TRIM71: variants seen among roughly 807,000 people sequenced by gnomAD.
The protein encoded by TRIM71 is E3 ubiquitin-protein ligase TRIM71.
A neutral mutation model predicts 61.2 loss-of-function variants in TRIM71; 9 were observed. The ratio of observed to expected loss-of-function variants is 0.15; its 90% CI spans 0.09 to 0.26. TRIM71 has a LOEUF of 0.26. TRIM71 is among the 10% of genes least tolerant of loss of function. TRIM71 has a pLI of 1.00. For synonymous variants in TRIM71, 645 were observed against 553.2 expected (o/e 1.17, Z -2.33); for missense variants, 998 against 1,238.7 (o/e 0.81, Z 2.92).
At chr3:32,851,698 C>CT (rs1189022968) in intron 1 of TRIM71, among the ~76,000 whole-genome samples, 1 of 152,118 alleles carries the variant, frequency 6.6e-6, no homozygotes, top group African/African-American at 2.4e-5. Flanking sequence ...AGGCTGGTCT[C>CT]TAACTCCTAA....
chr3:32,827,327 G>A (rs1696214736), intron 1 of TRIM71, among the ~76,000 whole-genome samples: 1 of 143,002 alleles, frequency 7.0e-6, no homozygotes, highest in Admixed American at 7.0e-5. Context: ...GTAATGGTGT[G>A]ATCTCGGCTC....
intron 1 of TRIM71, among the ~76,000 whole-genome samples, chr3:32,851,906 G>C (rs1054079182): frequency 6.6e-6 from 1 of 152,210 alleles, no homozygotes; most frequent in African/African-American, 2.4e-5. Context: ...TTGCAAAAGA[G>C]AGAAAGGAAA....
chr3:32,851,489 G>GT (rs563273976), intron 1 of TRIM71, among the ~76,000 whole-genome samples: 59 of 151,798 alleles, frequency 3.9e-4, no homozygotes, highest in South Asian at 1.0e-3. Flanking sequence ...TTTTGTTTTT[G>GT]TTTTTTTTGA....
At chr3:32,887,850 G>A (rs62251958) in intron 3 of TRIM71, among the ~76,000 whole-genome samples, 10,878 of 152,126 alleles carry the variant, frequency 0.072, 488 homozygotes, top group Non-Finnish European at 0.1. Context: ...GGAATGAGTC[G>A]AAATCATATA....
At chr3:32,843,796 GTCGTGCTGCTT>G (rs1439555184) in intron 1 of TRIM71, among the ~76,000 whole-genome samples, 5 of 152,136 alleles carry the variant, frequency 3.3e-5, no homozygotes, top group African/African-American at 1.2e-4. Flanking sequence ...CTCCTTTCCT[GTCGTGCTGCTT>G]TCTGGGAAGG....
chr3:32,853,456 TTTA>T (rs1268037518), intron 1 of TRIM71, among the ~76,000 whole-genome samples: 1 of 152,152 alleles, frequency 6.6e-6, no homozygotes, highest in African/African-American at 2.4e-5. Context: ...CTGGAATCAA[TTTA>T]TTTAACCATT....
chr3:32,890,849 G>A lies in TRIM71; in HGVS notation c.1645G>A (p.Val549Met), dbSNP rs572598561. Reference protein sequence around the residue: ...EVSDQQNGTYVVSYRPQLEGE... With the variant: ...EVSDQQNGTYMVSYRPQLEGE... The stretch of plus-strand genomic sequence containing the variant: ...GAGTGATCAGCAGAATGGGACATAC[G>A]TGGTGAGTTACCGACCCCAGCTGGA... The change falls in exon 4 of 4, where the codon GTG (valine) becomes ATG (methionine). Residue 549 changes from valine to methionine, a missense_variant. Val to Met is a conservative substitution (Grantham distance 21). This residue lies in a region of TRIM71 where 291 missense variants were observed against 431.2 expected (regional missense o/e 0.67). Transcript: ENST00000383763. This position sits in a 1 kb window ranked among gnomAD's most constrained non-coding sequence, Gnocchi z 6.2. 1.1e-5 allele frequency: 17 copies of A among 1,614,232 alleles called. No homozygotes were observed. Among genetic ancestry groups the A allele is most frequent in the African/African-American group, 6.7e-5 (5 of 75,052 alleles).
rs1481817426 is a variant in TRIM71 at position 32,893,633 on chromosome 3, T to G, written c.*1822T>G. The G allele has an allele frequency of 6.6e-6, 1 of 152,246 alleles. No homozygotes were observed. The highest frequency in any genetic ancestry group is 2.4e-5 in the African/African-American group (1 of 41,466). The allele number at this position is 152,246 out of a possible 1,614,324, so 9.4% of individuals were successfully genotyped here. On this transcript the variant is annotated 3_prime_UTR_variant, in exon 4 of 4. Transcript: ENST00000383763. Reference sequence around the variant, plus strand: ...TGTTCCTCTGTTTAAGAGAAATTTCTATTGCAAAATGGGTATCGTTTTAAA... The same window carrying G: ...TGTTCCTCTGTTTAAGAGAAATTTCGATTGCAAAATGGGTATCGTTTTAAA...
At position 32,818,857 on chromosome 3, in the gene TRIM71, C is replaced by T. The variant is rs758675755; in HGVS notation, c.777C>T (p.Pro259=). The change falls in exon 1 of 4, where the codon CCC becomes CCT. Residue 259 remains proline (P), a synonymous_variant. Coordinates refer to ENST00000383763, the MANE Select transcript of TRIM71 (RefSeq NM_001039111.3). ...CGCAGCAGCTCGGGCTCGGGCCGCCCTTTCCCGGCCCGCCCTTCTCCATCC... is the reference window on the plus strand; with the variant it reads ...CGCAGCAGCTCGGGCTCGGGCCGCCTTTTCCCGGCCCGCCCTTCTCCATCC... The part of the protein sequence containing the change: ...AAAQQLGLGP[P]FPGPPFSILS... 21 of 1,612,344 alleles carry T rather than the reference C, an allele frequency of 1.3e-5. No individual in the cohort carries two copies. The highest frequency in any genetic ancestry group is 1.6e-5 in the Non-Finnish European group (19 of 1,179,736).
chr3:32,819,749 C>T (rs1411748316), intron 1 of TRIM71, among the ~76,000 whole-genome samples: 1 of 152,150 alleles, frequency 6.6e-6, no homozygotes, highest in African/African-American at 2.4e-5. Flanking sequence ...TGGGCCGCGC[C>T]CGCCTGCCCC....
chr3:32,831,817 C>A (rs1696274760), intron 1 of TRIM71, among the ~76,000 whole-genome samples: 1 of 152,156 alleles, frequency 6.6e-6, no homozygotes, highest in Non-Finnish European at 1.5e-5. Context: ...GGATTACAGG[C>A]ATGAGCCATT....
intron 1 of TRIM71, among the ~76,000 whole-genome samples, chr3:32,870,675 G>A (rs1696785770): frequency 6.6e-6 from 1 of 152,078 alleles, no homozygotes; most frequent in African/African-American, 2.4e-5. Context: ...TTCATGGGGG[G>A]ATTGCAAATG....
At chr3:32,878,658 G>T (rs555496249) in intron 2 of TRIM71, among the ~76,000 whole-genome samples, 2 of 152,056 alleles carry the variant, frequency 1.3e-5, no homozygotes, top group African/African-American at 4.8e-5. Context: ...TAAAAATTCC[G>T]CAAACCATGC....
intron 1 of TRIM71, among the ~76,000 whole-genome samples, chr3:32,863,727 G>C (rs1457318263): frequency 3.9e-5 from 6 of 152,054 alleles, no homozygotes; most frequent in Non-Finnish European, 8.8e-5. Flanking sequence ...TGTCACCCAG[G>C]CTGGAGTGCA....
intron 1 of TRIM71, among the ~76,000 whole-genome samples, chr3:32,821,107 A>G (rs964477049): frequency 6.6e-6 from 1 of 152,190 alleles, no homozygotes; most frequent in Non-Finnish European, 1.5e-5. Flanking sequence ...CAGCTTAAAT[A>G]ATTCCTTTTC....
Position 32,818,874 on chromosome 3 carries a change from TCTC to T in TRIM71, c.796_798del (p.Ser266del), listed in dbSNP as rs778365349. 1.2e-6 allele frequency: 2 copies of T among 1,612,570 alleles called. No individual in the cohort carries two copies. The highest frequency in any genetic ancestry group is 1.7e-6 in the Non-Finnish European group (2 of 1,179,802). On this transcript the variant is annotated inframe_deletion, in exon 1 of 4. Coordinates refer to ENST00000383763, the MANE Select transcript of TRIM71 (RefSeq NM_001039111.3). ...GGGCCGCCCTTTCCCGGCCCGCCCTTCTCCATCCTCTCAGTGTTTCCCGAGCGC... is the reference window on the plus strand; with the variant it reads ...GGGCCGCCCTTTCCCGGCCCGCCCTTCATCCTCTCAGTGTTTCCCGAGCGC...
rs113031767 is a variant in TRIM71, at chr3:32,850,274, TG to T, written c.853-23543del. On this transcript the variant is annotated intron_variant, in intron 1 of 3. Transcript: ENST00000383763. ...CTAATTGGGAATACAGATTTTTTTT[TG>T]TGTGCAATTCTCTAAAAGCAAGCAT... Among the ~76,000 whole-genome samples the T allele has an allele frequency of 5.4e-3, 813 of 151,296 alleles. 8 individuals are homozygous for T. Among genetic ancestry groups the T allele is most frequent in the African/African-American group, 0.018 (761 of 41,362 alleles).
At chr3:32,875,206 C>T (rs552355625) in intron 2 of TRIM71, among the ~76,000 whole-genome samples, 4 of 152,330 alleles carry the variant, frequency 2.6e-5, no homozygotes, top group Admixed American at 1.3e-4. Flanking sequence ...ATGTGAGGTT[C>T]GGTGTCTTCA....
intron 2 of TRIM71, among the ~76,000 whole-genome samples, chr3:32,875,408 G>A (rs1374003575): frequency 2.6e-5 from 4 of 152,222 alleles, no homozygotes; most frequent in Non-Finnish European, 5.9e-5. Flanking sequence ...AGAAAATTGT[G>A]ACTTTTCCCT....
Sources: gnomAD v4.1 joint callset for allele counts (sites outside exome capture counted in the v4.1 genomes callset) on GRCh38, gnomAD v4.1.1 for gene constraint, gnomAD v4.1.1 regional missense constraint, Gnocchi (gnomAD v3.1) non-coding constraint, MANE v1.5 for transcripts, NCBI Gene and HGNC (gene_info 2026-07-23, HGNC 2026-07-21) for gene names.